Variants in CRPPA observed in about 807,000 individuals in gnomAD.
The protein encoded by CRPPA is CDP-L-ribitol pyrophosphorylase A.
A neutral mutation model predicts 52.0 loss-of-function variants in CRPPA; 43 were observed. The ratio of observed to expected loss-of-function variants is 0.83; its 90% CI spans 0.65 to 1.07. The LOEUF (loss-of-function observed/expected upper bound fraction) is 1.07, where lower values mean the gene tolerates loss of function less well. Ranked by LOEUF, CRPPA falls within the 50% of genes least tolerant of loss-of-function variation. The pLI is 0.00. For missense variants in CRPPA, 629 were observed against 551.7 expected (o/e 1.14, Z -1.40); for synonymous variants, 250 against 203.5 (o/e 1.23, Z -1.94).
intron 3 of CRPPA, among the ~76,000 whole-genome samples, chr7:16,333,947 G>T (rs1233773251): frequency 6.6e-6 from 1 of 152,178 alleles, no homozygotes; most frequent in Non-Finnish European, 1.5e-5. Context: ...AAATGAGTTG[G>T]TGGCAGACAT....
chr7:16,276,755 G>T (rs1431782817), intron 6 of CRPPA: 1 of 152,144 alleles, frequency 6.6e-6, no homozygotes, highest in Non-Finnish European at 1.5e-5. Flanking sequence ...ATAAACAATT[G>T]TTTAAGGGAG....
intron 9 of CRPPA, among the ~76,000 whole-genome samples, chr7:16,140,072 TA>T (rs1782838834): frequency 6.6e-6 from 1 of 152,236 alleles, no homozygotes; most frequent in Non-Finnish European, 1.5e-5. Context: ...AAAGGAATAC[TA>T]TACAAGATAG....
At chr7:16,280,455 A>G (rs1784298666) in intron 5 of CRPPA, among the ~76,000 whole-genome samples, 1 of 152,242 alleles carries the variant, frequency 6.6e-6, no homozygotes, top group South Asian at 2.1e-4. Flanking sequence ...TGAAAACATT[A>G]GGACAATCAA....
chr7:16,399,001 T>G (rs917743617), intron 2 of CRPPA, among the ~76,000 whole-genome samples: 1 of 152,192 alleles, frequency 6.6e-6, no homozygotes, highest in South Asian at 2.1e-4. Context: ...GATTGACACT[T>G]GACTGACACA....
intron 9 of CRPPA, among the ~76,000 whole-genome samples, chr7:16,143,736 T>A (rs1782918522): frequency 1.3e-5 from 2 of 152,192 alleles, no homozygotes; most frequent in Non-Finnish European, 2.9e-5. Context: ...TACGGTTAGA[T>A]GTTTAAACTG....
intron 3 of CRPPA, among the ~76,000 whole-genome samples, chr7:16,326,107 G>T (rs1406319422): frequency 6.8e-6 from 1 of 147,736 alleles, no homozygotes; most frequent in Admixed American, 6.7e-5. Flanking sequence ...CTGAAACATA[G>T]GACACCTATC....
intron 9 of CRPPA, among the ~76,000 whole-genome samples, chr7:16,201,631 A>G (rs1435634230): frequency 6.6e-6 from 1 of 152,114 alleles, no homozygotes; most frequent in Non-Finnish European, 1.5e-5. Flanking sequence ...GGTGTGGGAA[A>G]AGAACCTGGA....
At chr7:16,217,123 G>C (rs1162373930) in intron 8 of CRPPA, among the ~76,000 whole-genome samples, 1 of 148,794 alleles carries the variant, frequency 6.7e-6, no homozygotes, top group Non-Finnish European at 1.5e-5. Flanking sequence ...CCTCAAGTGG[G>C]TCCCTGACCC....
At chr7:16,348,718 A>G (rs73071038) in intron 3 of CRPPA, among the ~76,000 whole-genome samples, 34,161 of 141,674 alleles carry the variant, frequency 0.24, 4,211 homozygotes, top group Middle Eastern at 0.31. Flanking sequence ...CTGGGAGCTA[A>G]CAAAGAAGAC....
intron 3 of CRPPA, among the ~76,000 whole-genome samples, chr7:16,362,935 C>A (rs965668981): frequency 4.6e-5 from 7 of 152,116 alleles, no homozygotes; most frequent in Non-Finnish European, 8.8e-5. Flanking sequence ...CCTTCCCCAT[C>A]CCCTACAGAT....
At chr7:16,323,444 C>T (rs917618160) in intron 3 of CRPPA, among the ~76,000 whole-genome samples, 3 of 152,084 alleles carry the variant, frequency 2.0e-5, no homozygotes, top group African/African-American at 4.8e-5. Flanking sequence ...CTCTAAGAGG[C>T]CTTGTATGTT....
chr7:16,399,922 CGT>C (rs1438457648), intron 2 of CRPPA, among the ~76,000 whole-genome samples: 1 of 151,942 alleles, frequency 6.6e-6, no homozygotes, highest in African/African-American at 2.4e-5. Context: ...GTGTGACAGG[CGT>C]GTTATGTGAC....
chr7:16,363,182 C>A (rs1786502340), intron 3 of CRPPA, among the ~76,000 whole-genome samples: 1 of 152,136 alleles, frequency 6.6e-6, no homozygotes, highest in Admixed American at 6.5e-5. Context: ...TAATGAGGAG[C>A]TCTATTGGAA....
At chr7:16,420,568 T>G (rs1238497644) in intron 1 of CRPPA, among the ~76,000 whole-genome samples, 1 of 152,076 alleles carries the variant, frequency 6.6e-6, no homozygotes, top group African/African-American at 2.4e-5. Flanking sequence ...ATTCTGCTCC[T>G]CTCCCCTCCT....
intron 8 of CRPPA, among the ~76,000 whole-genome samples, chr7:16,254,840 AG>A (rs1783587059): frequency 2.0e-5 from 3 of 150,588 alleles, no homozygotes; most frequent in Non-Finnish European, 4.4e-5. Context: ...AAAGAAAGAA[AG>A]AAAGAGAAAG....
chr7:16,416,601 G>A (rs555223747), intron 1 of CRPPA, among the ~76,000 whole-genome samples: 222 of 151,932 alleles, frequency 1.5e-3, no homozygotes, highest in Non-Finnish European at 2.9e-3. Context: ...CTGGGAGGCC[G>A]ACGCAGGTGG....
intron 9 of CRPPA, among the ~76,000 whole-genome samples, chr7:16,121,613 T>C (rs1315121264): frequency 6.6e-6 from 1 of 152,040 alleles, no homozygotes; most frequent in Non-Finnish European, 1.5e-5. Context: ...AAAGACTTCG[T>C]AAAACAGATG....
At chr7:16,133,324 A>T (rs1117318) in intron 9 of CRPPA, among the ~76,000 whole-genome samples, 21,064 of 121,854 alleles carry the variant, frequency 0.17, 5,869 homozygotes, top group East Asian at 0.37. Context: ...CTCAAAAAAA[A>T]AAAAGGTAAA....
At chr7:16,398,683 G>A (rs1340067352) in intron 2 of CRPPA, among the ~76,000 whole-genome samples, 5 of 152,078 alleles carry the variant, frequency 3.3e-5, no homozygotes, top group Non-Finnish European at 5.9e-5. Flanking sequence ...CGTGACATGT[G>A]ACTGACACGA....
Sources: gnomAD v4.1 joint callset for allele counts (sites outside exome capture counted in the v4.1 genomes callset) on GRCh38, gnomAD v4.1.1 for gene constraint, MANE v1.5 for transcripts, NCBI Gene and HGNC (gene_info 2026-07-23, HGNC 2026-07-21) for gene names.